The following ZNF676 variants were observed in gnomAD, a reference collection of about 807,000 sequenced individuals.
ZNF676 encodes zinc finger protein 676.
Under a neutral mutation model 6.0 loss-of-function variants are expected in ZNF676, and 4 were observed. The ratio of observed to expected loss-of-function variants is 0.67; its 90% CI spans 0.33 to 1.53. The LOEUF (loss-of-function observed/expected upper bound fraction) is 1.53. Among genes scored for constraint, ZNF676 ranks in the 40% most tolerant of loss-of-function variants. ZNF676 has a pLI of 0.06. For synonymous variants in ZNF676, 198 were observed against 223.1 expected (o/e 0.89, Z 1.00); for missense variants, 644 against 679.7 (o/e 0.95, Z 0.58).
At chr19:22,236,273 C>A in the ZNF676 span, among the ~76,000 whole-genome samples, 1 of 152,066 alleles carries the variant, frequency 6.6e-6, no homozygotes. Flanking sequence ...TATGTCTATG[C>A]CAATTTTGCA....
chr19:22,193,189 G>C (rs910384169), intron 1 of ZNF676, 78 bp from the exon 2 acceptor site: 3 of 1,367,764 alleles, frequency 2.2e-6, no homozygotes, highest in East Asian at 2.6e-5. Flanking sequence ...TCAGTAAAGA[G>C]GATGTAATAG....
At chr19:22,230,152 G>A in the ZNF676 span, among the ~76,000 whole-genome samples, 5 of 152,146 alleles carry the variant, frequency 3.3e-5, no homozygotes, top group Admixed American at 1.3e-4. Context: ...TATACACCAC[G>A]GAATACTATG....
chr19:22,214,228 G>A (rs2024160461), intron 1 of ZNF676, among the ~76,000 whole-genome samples: 1 of 152,184 alleles, frequency 6.6e-6, no homozygotes, highest in Non-Finnish European at 1.5e-5. Context: ...TGTGAAAAAT[G>A]CAAGGAAACA....
At chr19:22,211,706 T>G (rs1397354435) in intron 1 of ZNF676, among the ~76,000 whole-genome samples, 1 of 152,184 alleles carries the variant, frequency 6.6e-6, no homozygotes, top group African/African-American at 2.4e-5. Context: ...AGAACAAAGA[T>G]ACTTACTTTT....
the ZNF676 span, among the ~76,000 whole-genome samples, chr19:22,243,051 C>G: frequency 6.6e-6 from 1 of 151,788 alleles, no homozygotes; most frequent in African/African-American, 2.4e-5. Flanking sequence ...AAGTTACTCT[C>G]CCTTCTATGG....
chr19:22,242,179 T>C, the ZNF676 span, among the ~76,000 whole-genome samples: 1 of 151,932 alleles, frequency 6.6e-6, no homozygotes, highest in African/African-American at 2.4e-5. Context: ...CCAAGATGTA[T>C]GTAACAATCC....
chr19:22,256,425 C>T, the ZNF676 span, among the ~76,000 whole-genome samples: 2 of 152,140 alleles, frequency 1.3e-5, no homozygotes, highest in Non-Finnish European at 2.9e-5. Context: ...AGGAACATCA[C>T]CTGGGTGCTG....
At chr19:22,209,644 A>C (rs2024110843) in intron 1 of ZNF676, among the ~76,000 whole-genome samples, 1 of 152,132 alleles carries the variant, frequency 6.6e-6, no homozygotes, top group Non-Finnish European at 1.5e-5. Context: ...TGAACCACCC[A>C]AAAATAAAAG....
the ZNF676 span, among the ~76,000 whole-genome samples, chr19:22,255,423 A>T: frequency 2.0e-5 from 3 of 152,128 alleles, no homozygotes; most frequent in African/African-American, 7.2e-5. Context: ...ATCCAGCTTG[A>T]GATTTTCATG....
chr19:22,181,662 A>G, intron 2 of ZNF676, 76 bp from the exon 3 acceptor site: 1 of 1,167,152 alleles, frequency 8.6e-7, no homozygotes, highest in Non-Finnish European at 1.2e-6. Context: ...CTAACCTATA[A>G]AATTATTCAA....
At chr19:22,237,297 C>T in the ZNF676 span, among the ~76,000 whole-genome samples, 1 of 152,116 alleles carries the variant, frequency 6.6e-6, no homozygotes, top group African/African-American at 2.4e-5. Flanking sequence ...TTTTAACTCC[C>T]CAAGCTGCAA....
At chr19:22,248,499 G>T in the ZNF676 span, among the ~76,000 whole-genome samples, 1 of 152,128 alleles carries the variant, frequency 6.6e-6, no homozygotes, top group Non-Finnish European at 1.5e-5. Flanking sequence ...TATATTAAAA[G>T]AAAGGGGGAA....
In ZNF676 at chr19:22,179,892, TTTC is replaced by T. The variant is rs1568523394; in HGVS notation, c.*55_*57del. The T allele has an allele frequency of 6.4e-6, 10 of 1,562,032 alleles. No individual in the cohort carries two copies. The highest frequency in any genetic ancestry group is 4.5e-5 in the East Asian group (2 of 44,466). ...TGTAGATTTTCTCTCCAGTATGAAT[TTTC>T]TTATGTTTACTAGACTGAGAATCAG... On this transcript the variant is annotated 3_prime_UTR_variant, in exon 3 of 3. Coordinates refer to ENST00000397121, the MANE Select transcript of ZNF676 (RefSeq NM_001001411.3).
chr19:22,188,893 AG>A (rs1381520289), intron 2 of ZNF676, among the ~76,000 whole-genome samples: 4 of 152,216 alleles, frequency 2.6e-5, no homozygotes, highest in Non-Finnish European at 5.9e-5. Flanking sequence ...GCTCATGCAT[AG>A]GAACAATCAA....
the ZNF676 span, among the ~76,000 whole-genome samples, chr19:22,228,746 C>A: frequency 1.3e-5 from 2 of 152,092 alleles, no homozygotes; most frequent in South Asian, 2.1e-4. Flanking sequence ...GACTGAGCTC[C>A]CATTCACAAT....
At chr19:22,216,086 T>C (rs535457098), upstream of ZNF676, among the ~76,000 whole-genome samples, 1 of 152,360 alleles carries the variant, frequency 6.6e-6, no homozygotes, top group Admixed American at 6.5e-5. Context: ...ATGTTAATAA[T>C]ACATAAAACT....
intron 1 of ZNF676, among the ~76,000 whole-genome samples, 183 bp from the exon 2 acceptor site, chr19:22,193,294 T>C (rs2023931673): frequency 6.6e-6 from 1 of 152,160 alleles, no homozygotes; most frequent in South Asian, 2.1e-4. Context: ...GTTGAAACAG[T>C]CTGGAGCTCA....
upstream of ZNF676, among the ~76,000 whole-genome samples, chr19:22,216,136 G>A (rs2024186417): frequency 6.6e-6 from 1 of 152,198 alleles, no homozygotes; most frequent in Non-Finnish European, 1.5e-5. Context: ...TAGTAATAGT[G>A]TATTATCAAT....
chr19:22,196,419 TA>T (rs1290101470), intron 1 of ZNF676, among the ~76,000 whole-genome samples, 180 bp downstream of exon 1: 2 of 152,160 alleles, frequency 1.3e-5, no homozygotes, highest in African/African-American at 4.8e-5. Context: ...TACAAAGGGC[TA>T]TAGAAGCTCA....
Sources: gnomAD v4.1 joint callset for allele counts (sites outside exome capture counted in the v4.1 genomes callset) on GRCh38, gnomAD v4.1.1 for gene constraint, MANE v1.5 for transcripts, NCBI Gene and HGNC (gene_info 2026-07-23, HGNC 2026-07-21) for gene names.